The following HNMT variants were observed in gnomAD, a reference collection of about 807,000 sequenced individuals.
HNMT encodes the protein histamine N-methyltransferase.
HNMT carries 30 observed loss-of-function variants against 32.1 expected under a neutral mutation model. That is an observed-to-expected ratio of 0.93 (90% CI 0.70 to 1.27). HNMT has a LOEUF of 1.27. Among genes scored for constraint, HNMT ranks in the 50% most tolerant of loss-of-function variants. The probability of loss-of-function intolerance (pLI) is 0.00; values close to 1 mark genes in which losing one functional copy is unlikely to be tolerated. For synonymous variants in HNMT, 125 were observed against 119.0 expected, an observed-to-expected ratio of 1.05 and a Z score of -0.33; for missense variants, 327 against 346.0, an observed-to-expected ratio of 0.95 and a Z score of 0.43.
chr2:137,984,926 GATA>G (rs1180731478), intron 2 of HNMT, among the ~76,000 whole-genome samples: 2 of 152,102 alleles, frequency 1.3e-5, no homozygotes, highest in East Asian at 3.9e-4. Flanking sequence ...GCACTATAAG[GATA>G]AATAAAAAGA....
chr2:137,985,661 C>G (rs1680631909), intron 2 of HNMT, among the ~76,000 whole-genome samples: 1 of 152,192 alleles, frequency 6.6e-6, no homozygotes, highest in Admixed American at 6.5e-5. Context: ...TTTGTAGCCT[C>G]TTTTACTAGT....
chr2:137,996,008 G>T (rs1272235538), intron 2 of HNMT, among the ~76,000 whole-genome samples: 1 of 152,104 alleles, frequency 6.6e-6, no homozygotes, highest in Non-Finnish European at 1.5e-5. Flanking sequence ...AGATATTAAT[G>T]GAACATATCT....
chr2:137,990,413 C>G (rs2104956511), intron 2 of HNMT, among the ~76,000 whole-genome samples: 1 of 152,216 alleles, frequency 6.6e-6, no homozygotes, highest in South Asian at 2.1e-4. Flanking sequence ...GGGTCTATTT[C>G]TGGTCTCTCT....
chr2:137,996,962 T>C (rs1681016328), intron 2 of HNMT, among the ~76,000 whole-genome samples: 1 of 152,190 alleles, frequency 6.6e-6, no homozygotes, highest in Non-Finnish European at 1.5e-5. Context: ...GAAAACTGGC[T>C]AGCCATATGC....
rs144417399 is a variant in HNMT, at chr2:137,970,616, G to A, written c.190+399G>A. Among the ~76,000 whole-genome samples the A allele has an allele frequency of 2.5e-3, 388 of 152,244 alleles. 1 individual carries two copies. Among genetic ancestry groups the A allele is most frequent in the African/African-American group, 9.1e-3 (378 of 41,536 alleles). Reference sequence around the variant, plus strand: ...TTTTCAAACTGTTATTGGTCCATGTGAAGATCTGAAATGTGCACAGGAGGC... The same window carrying A: ...TTTTCAAACTGTTATTGGTCCATGTAAAGATCTGAAATGTGCACAGGAGGC... On this transcript the variant is annotated intron_variant, in intron 2 of 5. Coordinates refer to ENST00000280097, the MANE Select transcript of HNMT (RefSeq NM_006895.3).
rs567775660 is a variant in HNMT at position 137,990,519 on chromosome 2, C to T, written c.191-10399C>T. Among the ~76,000 whole-genome samples the T allele has an allele frequency of 5.3e-5, 8 of 152,134 alleles. No individual in the cohort carries two copies. The East Asian group carries it at 1.2e-3, about 22-fold the overall frequency. Reference sequence around the variant, plus strand: ...AGTAAGTCTTGAAGTCAGATAGTGTCGGTTCTCCAACTTTATTCTTCTCTT... The same window carrying T: ...AGTAAGTCTTGAAGTCAGATAGTGTTGGTTCTCCAACTTTATTCTTCTCTT... On this transcript the variant is annotated intron_variant, in intron 2 of 5. Coordinates refer to ENST00000280097, the MANE Select transcript of HNMT (RefSeq NM_006895.3).
At chr2:137,971,272 C>G (rs931237249) in intron 2 of HNMT, among the ~76,000 whole-genome samples, 4 of 151,986 alleles carry the variant, frequency 2.6e-5, no homozygotes, top group African/African-American at 9.7e-5. Flanking sequence ...CTCCACCTCC[C>G]GGGTTCAAGC....
intron 2 of HNMT, among the ~76,000 whole-genome samples, chr2:137,983,483 C>T (rs1402959532): frequency 6.6e-6 from 1 of 151,892 alleles, no homozygotes; most frequent in Non-Finnish European, 1.5e-5. Flanking sequence ...AAAAATTCCC[C>T]CTCAACCCTC....
In HNMT at chr2:138,014,566, T is replaced by G. The variant is rs151225151; in HGVS notation, c.*436T>G. 618 of 154,666 alleles carry G rather than the reference T, an allele frequency of 4.0e-3. 1 individual carries two copies. Among genetic ancestry groups the G allele is most frequent in the African/African-American group, 0.014 (578 of 41,618 alleles). The allele number at this position is 154,666 out of a possible 1,614,324, so 9.6% of individuals were successfully genotyped here. A position where few individuals can be genotyped will look rare whatever the true frequency, so the allele number is the denominator to read the frequency against. Reference sequence around the variant, plus strand: ...GCCGTTTTGTGAAGAAACATTTATCTTTGTACGTTCTTCTATTGTGCTTTC... The same window carrying G: ...GCCGTTTTGTGAAGAAACATTTATCGTTGTACGTTCTTCTATTGTGCTTTC... On this transcript the variant is annotated 3_prime_UTR_variant, in exon 6 of 6. Coordinates refer to ENST00000280097, the MANE Select transcript of HNMT (RefSeq NM_006895.3).
At chr2:137,991,076 G>C (rs1356977899) in intron 2 of HNMT, among the ~76,000 whole-genome samples, 2 of 152,136 alleles carry the variant, frequency 1.3e-5, no homozygotes, top group Non-Finnish European at 2.9e-5. Flanking sequence ...CAGGGAAACT[G>C]GCTTAATTTG....
chr2:138,001,430 A>G (rs1284802758), intron 3 of HNMT, among the ~76,000 whole-genome samples: 1 of 152,228 alleles, frequency 6.6e-6, no homozygotes, highest in Non-Finnish European at 1.5e-5. Flanking sequence ...AGTCTCTGCC[A>G]TAACTAATCA....
chr2:138,002,740 C>T (rs1679450644), intron 4 of HNMT: 1 of 925,434 alleles, frequency 1.1e-6, no homozygotes, highest in Non-Finnish European at 1.3e-6. Context: ...AGCCACTGCA[C>T]CCAGTCTTTA....
chr2:137,994,850 G>A lies in HNMT; in HGVS notation c.191-6068G>A, dbSNP rs533384914. On this transcript the variant is annotated intron_variant, in intron 2 of 5. Transcript: ENST00000280097. The stretch of plus-strand genomic sequence containing the variant: ...CACAGTGCAATCAAATTAGAACTCA[G>A]GATTAAGAAACTCACTCAAAACCAC... 5.3e-5 allele frequency among the ~76,000 whole-genome samples: 8 copies of A among 152,208 alleles called. No individual in the cohort carries two copies. In the South Asian group the frequency reaches 1.7e-3, roughly 32 times the overall value.
chr2:137,981,177 T>A, intron 2 of HNMT: 1 of 1,592,970 alleles, frequency 6.3e-7, no homozygotes. Flanking sequence ...GCAGGAGATA[T>A]GGCCACAGTC....
chr2:137,972,825 C>G (rs1022138701), intron 2 of HNMT, among the ~76,000 whole-genome samples: 1 of 152,100 alleles, frequency 6.6e-6, no homozygotes, highest in Non-Finnish European at 1.5e-5. Flanking sequence ...TCTATCATGG[C>G]CAAGTTAATT....
chr2:138,000,806 A>C (rs1681145074), intron 2 of HNMT, 112 bp from the exon 3 acceptor site: 2 of 550,824 alleles, frequency 3.6e-6, no homozygotes, highest in South Asian at 3.0e-5. Flanking sequence ...ATTATTCTTT[A>C]TTTATGTTAG....
At chr2:137,999,390 C>T (rs71419556) in intron 2 of HNMT, among the ~76,000 whole-genome samples, 23 of 152,080 alleles carry the variant, frequency 1.5e-4, no homozygotes, top group Non-Finnish European at 1.9e-4. Flanking sequence ...ATTTCAGCTT[C>T]CTTCCCACTC....
chr2:137,965,246 T>A (rs1487898510), intron 1 of HNMT, among the ~76,000 whole-genome samples: 1 of 152,164 alleles, frequency 6.6e-6, no homozygotes, highest in Non-Finnish European at 1.5e-5. Flanking sequence ...AGAGTTCTTT[T>A]TTTTGGGTGA....
chr2:137,983,831 G>A (rs1378186092), intron 2 of HNMT, among the ~76,000 whole-genome samples: 1 of 152,218 alleles, frequency 6.6e-6, no homozygotes, highest in African/African-American at 2.4e-5. Flanking sequence ...TCCAGTAAAG[G>A]AGAATTTATA....
Sources: gnomAD v4.1 joint callset for allele counts (sites outside exome capture counted in the v4.1 genomes callset) on GRCh38, gnomAD v4.1.1 for gene constraint, MANE v1.5 for transcripts, NCBI Gene and HGNC (gene_info 2026-07-23, HGNC 2026-07-21) for gene names.